PPM1E: variants seen among roughly 807,000 people sequenced by gnomAD.
PPM1E encodes protein phosphatase 1E.
PPM1E carries 20 observed loss-of-function variants against 65.9 expected under a neutral mutation model. The observed-to-expected ratio is 0.30, with a 90% CI of 0.21 to 0.44. The LOEUF (loss-of-function observed/expected upper bound fraction) is 0.44, where lower values mean the gene tolerates loss of function less well. Ranked by LOEUF, PPM1E falls within the 20% of genes least tolerant of loss-of-function variation. PPM1E has a pLI of 1.00. For synonymous variants in PPM1E, 352 were observed against 374.9 expected, an observed-to-expected ratio of 0.94 and a Z score of 0.70; for missense variants, 713 against 953.1, an observed-to-expected ratio of 0.75 and a Z score of 3.32.
intron 1 of PPM1E, among the ~76,000 whole-genome samples, chr17:58,839,006 G>A (rs1464152641): frequency 2.0e-5 from 3 of 152,036 alleles, no homozygotes; most frequent in East Asian, 1.9e-4. Context: ...AGTGGTTGTC[G>A]GGTTGTGGAC....
Position 58,755,924 on chromosome 17 carries a change from C to A in PPM1E, c.-74C>A. On this transcript the variant is annotated 5_prime_UTR_variant, in exon 1 of 7. Transcript: ENST00000308249. ...TAACCGCCCTTGCCGGAGCCCTAGG[C>A]TCAAAAGCAGCCCCTTACCCTTCCT... is the stretch of plus-strand genomic sequence containing the variant. The A allele has an allele frequency of 6.3e-7, 1 of 1,592,198 alleles. No individual in the cohort carries two copies. Among genetic ancestry groups the A allele is most frequent in the Non-Finnish European group, 8.6e-7 (1 of 1,169,034 alleles).
chr17:58,816,218 G>T (rs1349305854), intron 1 of PPM1E, among the ~76,000 whole-genome samples: 3 of 151,806 alleles, frequency 2.0e-5, no homozygotes, highest in Non-Finnish European at 4.4e-5. Flanking sequence ...TAGAGTTGGG[G>T]TTTTACCATA....
At position 58,983,118 on chromosome 17, in the gene PPM1E, T is replaced by C. The variant is rs962917790; in HGVS notation, c.*2087T>C. On this transcript the variant is annotated 3_prime_UTR_variant, in exon 7 of 7. Coordinates refer to ENST00000308249, the MANE Select transcript of PPM1E (RefSeq NM_014906.5). ...CTCAGTGGGGAAAAAAATGGCTGGA[T>C]AGAACTGGGACAAACACAGACCCAT... 21 of 553,688 alleles carry C rather than the reference T, an allele frequency of 3.8e-5. No individual in the cohort carries two copies. Among genetic ancestry groups the C allele is most frequent in the Non-Finnish European group, 5.1e-5 (16 of 313,840 alleles). The allele number at this position is 553,688 out of a possible 1,614,324, so 34.3% of individuals were successfully genotyped here.
chr17:58,889,967 A>C (rs982359895), intron 1 of PPM1E, among the ~76,000 whole-genome samples: 3 of 152,226 alleles, frequency 2.0e-5, no homozygotes, highest in Non-Finnish European at 4.4e-5. Context: ...TCTATAAATA[A>C]ATTGTAGTCG....
At chr17:58,916,837 C>T (rs187947470) in intron 1 of PPM1E, among the ~76,000 whole-genome samples, 16 of 152,242 alleles carry the variant, frequency 1.1e-4, no homozygotes, top group African/African-American at 3.9e-4. Flanking sequence ...CATTTGTAAA[C>T]ATAAAGTACT....
At position 58,980,902 on chromosome 17, in the gene PPM1E, A is replaced by AAAT. The variant is rs1261596459; in HGVS notation, c.2141_2143dup (p.Asn714dup). 6 of 1,614,166 alleles carry AAAT rather than the reference A, an allele frequency of 3.7e-6. No individual in the cohort carries two copies. In the East Asian group the frequency reaches 1.3e-4, roughly 36 times the overall value. On this transcript the variant is annotated inframe_insertion, in exon 7 of 7. Coordinates refer to ENST00000308249, the MANE Select transcript of PPM1E (RefSeq NM_014906.5). This position sits in a 1 kb window ranked among gnomAD's most constrained non-coding sequence, Gnocchi z 4.7. ...CCTCACTTACTGGAAGTGGGAAGAG[A>AAAT]AATAGGATAAGAAGTTCTCTGCCAT...
At position 58,980,915 on chromosome 17, in the gene PPM1E, A is replaced by G. The variant is rs753181254; in HGVS notation, c.2152A>G (p.Ser718Gly). ...TGSGKRNRIR[S>G]SLPWRQNSWK... ...AAGTGGGAAGAGAAATAGGATAAGA[A>G]GTTCTCTGCCATGGAGGCAAAATAG... The change falls in exon 7 of 7, where the codon AGT becomes GGT. Residue 718 changes from serine (S) to glycine (G), a missense_variant. Around this residue, in one of 6 missense-constraint regions of PPM1E, gnomAD observed 286 missense variants for 313.8 expected, o/e 0.91. Coordinates refer to ENST00000308249, the MANE Select transcript of PPM1E (RefSeq NM_014906.5). This position sits in a 1 kb window ranked among gnomAD's most constrained non-coding sequence, Gnocchi z 4.7. 1 of 1,614,206 alleles carries G rather than the reference A, an allele frequency of 6.2e-7. No individual in the cohort carries two copies. The highest frequency in any genetic ancestry group is 1.7e-5 in the Admixed American group (1 of 60,032).
chr17:58,841,714 G>A (rs988359176), intron 1 of PPM1E, among the ~76,000 whole-genome samples: 3 of 149,914 alleles, frequency 2.0e-5, no homozygotes, highest in Non-Finnish European at 4.5e-5. Context: ...TTTTTTGTTT[G>A]TTTTTCATTT....
At chr17:58,877,246 G>C (rs2143372034) in intron 1 of PPM1E, among the ~76,000 whole-genome samples, 1 of 152,230 alleles carries the variant, frequency 6.6e-6, no homozygotes, top group Middle Eastern at 3.4e-3. Flanking sequence ...TACCTCATTA[G>C]GTAAAGTGGA....
chr17:58,876,444 G>A (rs2051127450), intron 1 of PPM1E, among the ~76,000 whole-genome samples: 1 of 151,928 alleles, frequency 6.6e-6, no homozygotes, highest in South Asian at 2.1e-4. Context: ...CAATTACTAG[G>A]GAATTCTACA....
At chr17:58,966,361 AAAAG>A (rs766628208) in intron 3 of PPM1E, 261 of 363,360 alleles carry the variant, frequency 7.2e-4, no homozygotes, top group Middle Eastern at 1.3e-3. Context: ...TTAAAAAAAA[AAAAG>A]AAAGAAAAGA....
intron 3 of PPM1E, chr17:58,966,418 TA>T (rs55779609): frequency 0.33 from 40,713 of 122,228 alleles, 5,674 homozygotes; most frequent in Middle Eastern, 0.36. Context: ...AGCAGTTTTG[TA>T]AAAAAAAAAA....
intron 1 of PPM1E, among the ~76,000 whole-genome samples, chr17:58,917,936 A>AT (rs774854449): frequency 8.5e-5 from 13 of 152,188 alleles, no homozygotes; most frequent in Non-Finnish European, 1.5e-4. Flanking sequence ...TTTTACAGCT[A>AT]TGAATAAAAG....
intron 1 of PPM1E, among the ~76,000 whole-genome samples, chr17:58,854,504 C>T (rs935491078): frequency 1.3e-5 from 2 of 151,988 alleles, no homozygotes; most frequent in African/African-American, 2.4e-5. Flanking sequence ...AGAGGAAAAG[C>T]TTTTCGTCTT....
intron 1 of PPM1E, among the ~76,000 whole-genome samples, chr17:58,941,949 G>A (rs1469973200): frequency 6.7e-6 from 1 of 149,176 alleles, no homozygotes; most frequent in Non-Finnish European, 1.5e-5. Context: ...AGGTTGCAGT[G>A]AGCCAAGATC....
At chr17:58,917,170 A>G (rs2051693757) in intron 1 of PPM1E, among the ~76,000 whole-genome samples, 1 of 151,732 alleles carries the variant, frequency 6.6e-6, no homozygotes, top group Non-Finnish European at 1.5e-5. Flanking sequence ...AGATTGCACC[A>G]CTGCACTCCA....
intron 1 of PPM1E, among the ~76,000 whole-genome samples, chr17:58,826,104 C>T (rs1025246751): frequency 2.0e-5 from 3 of 151,430 alleles, no homozygotes; most frequent in Admixed American, 6.6e-5. Context: ...GCCCAGCCAA[C>T]ATGGTGAAAC....
intron 1 of PPM1E, among the ~76,000 whole-genome samples, chr17:58,845,264 C>G (rs1438879924): frequency 1.3e-5 from 2 of 148,922 alleles, no homozygotes; most frequent in East Asian, 1.9e-4. Flanking sequence ...TTTACAGATT[C>G]ATTCCTCTAC....
At chr17:58,961,657 A>G (rs922079431) in intron 2 of PPM1E, among the ~76,000 whole-genome samples, 2 of 152,210 alleles carry the variant, frequency 1.3e-5, no homozygotes, top group Non-Finnish European at 2.9e-5. Context: ...TAATCTGTCT[A>G]TACCAGCTCT....
Sources: gnomAD v4.1 joint callset for allele counts (sites outside exome capture counted in the v4.1 genomes callset) on GRCh38, gnomAD v4.1.1 for gene constraint, gnomAD v4.1.1 regional missense constraint, Gnocchi (gnomAD v3.1) non-coding constraint, MANE v1.5 for transcripts, NCBI Gene and HGNC (gene_info 2026-07-23, HGNC 2026-07-21) for gene names.